Variants in MCTP1 observed in about 807,000 individuals in gnomAD.
MCTP1 encodes multiple C2 and transmembrane domain containing 1, also known as multiple C2 and transmembrane domain-containing protein 1.
In MCTP1, 69 loss-of-function variants were observed where a neutral mutation model predicts 120.6. The ratio of observed to expected loss-of-function variants is 0.57; its 90% confidence interval spans 0.47 to 0.70. MCTP1 has a LOEUF of 0.70. Ranked by LOEUF, MCTP1 falls within the 30% of genes least tolerant of loss-of-function variation. The probability of loss-of-function intolerance (pLI) is 0.00; values close to 1 mark genes in which losing one functional copy is unlikely to be tolerated. For missense variants in MCTP1, 1,203 were observed against 1,248.8 expected, an observed-to-expected ratio of 0.96 and a Z score of 0.55; for synonymous variants, 529 against 493.1, an observed-to-expected ratio of 1.07 and a Z score of -0.96.
intron 10 of MCTP1, among the ~76,000 whole-genome samples, chr5:94,897,226 C>CT (rs1375979961): frequency 7.1e-6 from 1 of 141,062 alleles, no homozygotes; most frequent in African/African-American, 2.8e-5. Flanking sequence ...CCAGGCCTGG[C>CT]TAATTTTTTT....
intron 17 of MCTP1, among the ~76,000 whole-genome samples, chr5:94,804,253 A>G (rs995999102): frequency 6.6e-6 from 1 of 152,184 alleles, no homozygotes; most frequent in African/African-American, 2.4e-5. Context: ...TTTCAGTTCA[A>G]TTTCTGCTAT....
intron 1 of MCTP1, among the ~76,000 whole-genome samples, chr5:95,062,569 A>AT (rs1386993739): frequency 3.9e-5 from 6 of 152,204 alleles, no homozygotes; most frequent in African/African-American, 7.2e-5. Context: ...TTTTGAACGC[A>AT]TTCCAGAGTC....
intron 19 of MCTP1, among the ~76,000 whole-genome samples, chr5:94,723,556 T>G (rs951733204): frequency 1.7e-5 from 1 of 58,168 alleles, no homozygotes; most frequent in Non-Finnish European, 3.8e-5. Context: ...CTTGGCAGAG[T>G]TTTTTTTTTG....
At position 94,707,543 on chromosome 5, in the gene MCTP1, C is replaced by A; in HGVS notation, c.2953G>T (p.Asp985Tyr). The A allele has an allele frequency of 6.2e-7, 1 of 1,611,868 alleles. No individual in the cohort carries two copies. Reference protein sequence around the residue: ...QVVQYQELKPDPSHSPYKRKK... With the variant: ...QVVQYQELKPYPSHSPYKRKK... ...CTTTTATATGGGCTATGAGAAGGAT[C>A]TGGTTTCAGTTCTTGGTATTGCACC... is the stretch of plus-strand genomic sequence containing the variant. The change falls in exon 23 of 23, where the codon GAT (aspartate) becomes TAT (tyrosine). Residue 985 changes from aspartate to tyrosine, a missense_variant. Asp to Tyr is a radical substitution (Grantham distance 160, BLOSUM62 -3). Transcript: ENST00000515393.
intron 18 of MCTP1, among the ~76,000 whole-genome samples, chr5:94,794,119 T>A (rs1252489733): frequency 6.6e-6 from 1 of 152,248 alleles, no homozygotes; most frequent in Non-Finnish European, 1.5e-5. Flanking sequence ...ATTTCATTGA[T>A]CTGCCCCACT....
chr5:94,983,025 C>A (rs1256764467), intron 2 of MCTP1, among the ~76,000 whole-genome samples: 1 of 150,764 alleles, frequency 6.6e-6, no homozygotes, highest in African/African-American at 2.4e-5. Context: ...ATTTAACATG[C>A]TACTGCTGTC....
chr5:94,803,617 G>T (rs1393513686), intron 17 of MCTP1, among the ~76,000 whole-genome samples: 1 of 152,208 alleles, frequency 6.6e-6, no homozygotes, highest in African/African-American at 2.4e-5. Flanking sequence ...AGCAGGAATT[G>T]ATTGGCTTAC....
At chr5:95,229,000 A>G (rs1008313452) in intron 1 of MCTP1, among the ~76,000 whole-genome samples, 1 of 152,198 alleles carries the variant, frequency 6.6e-6, no homozygotes, top group Non-Finnish European at 1.5e-5. Context: ...TCTTTGTAGC[A>G]ATGCAAGAAT....
At chr5:95,138,233 A>ACCCCCC (rs58216046) in intron 1 of MCTP1, among the ~76,000 whole-genome samples, 7 of 142,420 alleles carry the variant, frequency 4.9e-5, no homozygotes, top group Admixed American at 1.4e-4. Flanking sequence ...GTGAGATGCA[A>ACCCCCC]CCCCCCCCCG....
intron 2 of MCTP1, among the ~76,000 whole-genome samples, chr5:95,004,012 G>A (rs749182421): frequency 1.5e-4 from 23 of 152,342 alleles, no homozygotes; most frequent in South Asian, 4.1e-4. Context: ...AATGCTGATA[G>A]TGACAAGAAC....
At position 95,259,696 on chromosome 5, in the gene MCTP1, C is replaced by T. The variant is rs147391353; in HGVS notation, c.720+24160G>A. On this transcript the variant is annotated intron_variant, in intron 1 of 22. Transcript: ENST00000515393. ...GATGGGGAGATGCACTTAGAGGTGG[C>T]CATTAATTCCATTCACCATCCAGGA... Among the ~76,000 whole-genome samples, 65 of 152,270 alleles carry T rather than the reference C, an allele frequency of 4.3e-4. No individual in the cohort carries two copies. In the East Asian group the frequency reaches 5.6e-3, roughly 13 times the overall value.
intron 1 of MCTP1, among the ~76,000 whole-genome samples, chr5:95,171,137 C>T (rs1050849975): frequency 2.0e-5 from 3 of 152,142 alleles, no homozygotes; most frequent in African/African-American, 7.2e-5. Flanking sequence ...ATTTGCTTCT[C>T]TGTAAAGGAT....
chr5:95,148,748 C>T (rs1760636121), intron 1 of MCTP1, among the ~76,000 whole-genome samples: 1 of 151,356 alleles, frequency 6.6e-6, no homozygotes, highest in African/African-American at 2.5e-5. Flanking sequence ...GATAAGGGGA[C>T]TCTGTTTTTT....
chr5:94,912,466 A>G (rs469883), intron 9 of MCTP1, among the ~76,000 whole-genome samples: 43,881 of 91,732 alleles, frequency 0.48, 11,097 homozygotes, highest in Non-Finnish European at 0.56. Context: ...AAAAAAAAAA[A>G]GCCGCACTCT....
At chr5:95,081,535 T>C in intron 1 of MCTP1, 1 of 1,573,864 alleles carries the variant, frequency 6.4e-7, no homozygotes, top group South Asian at 1.2e-5. Context: ...GAACTGCATA[T>C]TTAGACTTGC....
chr5:94,898,515 T>A (rs1247765620), intron 10 of MCTP1, among the ~76,000 whole-genome samples: 1 of 152,198 alleles, frequency 6.6e-6, no homozygotes. Flanking sequence ...TCTGGTGCAA[T>A]GTGAATACAG....
At chr5:94,987,562 T>G (rs929533206) in intron 2 of MCTP1, among the ~76,000 whole-genome samples, 1 of 152,060 alleles carries the variant, frequency 6.6e-6, no homozygotes, top group African/African-American at 2.4e-5. Context: ...AAATCAAAAG[T>G]AAAAGACAGC....
Position 95,284,504 on chromosome 5 carries a change from G to A in MCTP1, c.72C>T (p.Leu24=), listed in dbSNP as rs2152750115. 1 of 1,509,196 alleles carries A rather than the reference G, an allele frequency of 6.6e-7. No homozygotes were observed. The highest frequency in any genetic ancestry group is 8.8e-7 in the Non-Finnish European group (1 of 1,137,100). 93.5% of individuals were successfully genotyped at this position (1,509,196 alleles called of 1,614,324 possible). The change falls in exon 1 of 23, where the codon CTC becomes CTT. Residue 24 remains leucine (L), a synonymous_variant. Transcript: ENST00000515393. This position sits in a 1 kb window ranked among gnomAD's most constrained non-coding sequence, Gnocchi z 5.2. Reference sequence around the variant, plus strand: ...CCACCCCCAGCTGCAGGTTCTTCCAGAGCCGGGCCTGGAAGGAGGAGGACG... The same window carrying A: ...CCACCCCCAGCTGCAGGTTCTTCCAAAGCCGGGCCTGGAAGGAGGAGGACG... The part of the protein sequence containing the change: ...PAASSSFQAR[L]WKNLQLGVGR...
chr5:95,159,848 A>G (rs374905744), intron 1 of MCTP1, among the ~76,000 whole-genome samples: 21 of 152,270 alleles, frequency 1.4e-4, no homozygotes, highest in African/African-American at 4.8e-4. Context: ...GATCTTCTCT[A>G]AAGGGGTTAA....
Sources: allele counts gnomAD v4.1 joint callset (sites outside exome capture counted in the v4.1 genomes callset), GRCh38; gene constraint gnomAD v4.1.1; non-coding constraint Gnocchi (gnomAD v3.1); transcripts MANE v1.5; gene names NCBI Gene and HGNC (gene_info 2026-07-23, HGNC 2026-07-21).